The following DSCAML1 variants were observed in gnomAD, a reference collection of about 807,000 sequenced individuals.
DSCAML1 encodes DS cell adhesion molecule like 1, also known as cell adhesion molecule DSCAML1.
DSCAML1 carries 38 observed loss-of-function variants against 200.5 expected under a neutral mutation model. The observed-to-expected ratio is 0.19, with a 90% CI of 0.15 to 0.25. The LOEUF is 0.25. DSCAML1 is among the 10% of genes least tolerant of loss of function. DSCAML1 has a pLI of 1.00. For missense variants in DSCAML1, 2,223 were observed against 2,858.8 expected (o/e 0.78, Z 5.07); for synonymous variants, 1,215 against 1,165.0 (o/e 1.04, Z -0.87).
intron 3 of DSCAML1, among the ~76,000 whole-genome samples, chr11:117,565,473 C>CACTG (rs1166132920): frequency 1.3e-5 from 2 of 152,222 alleles, no homozygotes; most frequent in African/African-American, 4.8e-5. Context: ...TCTGACGTGG[C>CACTG]ATTGATACAC....
intron 3 of DSCAML1, among the ~76,000 whole-genome samples, chr11:117,762,570 A>G (rs1433631618): frequency 6.6e-6 from 1 of 152,092 alleles, no homozygotes; most frequent in Non-Finnish European, 1.5e-5. Flanking sequence ...ATCAAATTTT[A>G]TATATATATG....
chr11:117,681,064 A>G (rs748827705), intron 3 of DSCAML1, among the ~76,000 whole-genome samples: 3 of 152,122 alleles, frequency 2.0e-5, no homozygotes, highest in Non-Finnish European at 4.4e-5. Context: ...CTCATCTTGC[A>G]TTTTCCAGGC....
chr11:117,710,105 C>T lies in DSCAML1; in HGVS notation c.511+66686G>A, dbSNP rs540506710. 5.4e-4 allele frequency among the ~76,000 whole-genome samples: 83 copies of T among 152,310 alleles called. 1 individual carries two copies. In the South Asian group the frequency reaches 1.0e-2, roughly 18 times the overall value. On this transcript the variant is annotated intron_variant, in intron 3 of 32. Transcript: ENST00000651296. Reference sequence around the variant, plus strand: ...GGTCTGGGATTTTCATTTTACTTTGCTTCCTCTAACACCACTTTGTTTATG... The same window carrying T: ...GGTCTGGGATTTTCATTTTACTTTGTTTCCTCTAACACCACTTTGTTTATG...
rs371370437 is a variant in DSCAML1, at chr11:117,780,662, G to T, written c.195C>A (p.Asp65Glu). The T allele has an allele frequency of 6.3e-7, 1 of 1,592,058 alleles. No individual in the cohort carries two copies. The highest frequency in any genetic ancestry group is 1.1e-5 in the South Asian group (1 of 87,922). ...AALRWYLATGDDIYDVPHIRH... is the reference protein window; with the variant it reads ...AALRWYLATGEDIYDVPHIRH... The stretch of plus-strand genomic sequence containing the variant: ...GGATGTGCGGCACGTCGTAGATGTC[G>T]TCCCCTGTGGCCAGGTACCATCGAA... The change falls in exon 2 of 33, where the codon GAC becomes GAA. Residue 65 changes from aspartate (D) to glutamate (E), a missense_variant. Around this residue, in one of 7 missense-constraint regions of DSCAML1, gnomAD observed 579 missense variants for 721.5 expected, o/e 0.80. Transcript: ENST00000651296. The surrounding 1 kb of genome is among the most constrained non-coding windows in gnomAD (Gnocchi z 4.8).
chr11:117,661,085 G>T (rs777888335), intron 3 of DSCAML1, among the ~76,000 whole-genome samples: 5 of 152,138 alleles, frequency 3.3e-5, no homozygotes, highest in Admixed American at 6.5e-5. Context: ...AAATGCCTAG[G>T]CCACTGTTCC....
intron 3 of DSCAML1, among the ~76,000 whole-genome samples, chr11:117,704,198 C>G (rs2053719184): frequency 1.3e-5 from 2 of 151,714 alleles, no homozygotes; most frequent in Admixed American, 6.6e-5. Flanking sequence ...CTGAAGCCAA[C>G]CAGGCAAGAT....
intron 3 of DSCAML1, among the ~76,000 whole-genome samples, chr11:117,603,427 T>C (rs968947300): frequency 6.6e-6 from 1 of 152,330 alleles, no homozygotes; most frequent in Non-Finnish European, 1.5e-5. Context: ...CGTCATCTGC[T>C]CTGTGATTGT....
chr11:117,797,736 C>A (rs2055611596), upstream of DSCAML1, among the ~76,000 whole-genome samples: 2 of 152,178 alleles, frequency 1.3e-5, no homozygotes, highest in African/African-American at 2.4e-5. Flanking sequence ...TCCGGAGAAC[C>A]CCAGATGAGT....
chr11:117,668,627 G>A (rs1375875745), intron 3 of DSCAML1: 1 of 152,222 alleles, frequency 6.6e-6, no homozygotes, highest in African/African-American at 2.4e-5. Flanking sequence ...TCCAGGCAGA[G>A]AGAGCTTGCC....
chr11:117,577,535 T>TTCC lies in DSCAML1; in HGVS notation c.512-45014_512-45013insGGA, dbSNP rs1565801921. 2.9e-4 allele frequency among the ~76,000 whole-genome samples: 24 copies of TTCC among 83,640 alleles called. 7 individuals are homozygous for TTCC. Among genetic ancestry groups the TTCC allele is most frequent in the African/African-American group, 1.2e-3 (22 of 18,522 alleles). 54.9% of individuals were successfully genotyped at this position (83,640 alleles called of 152,430 possible). On this transcript the variant is annotated intron_variant, in intron 3 of 32. Transcript: ENST00000651296. ...CTTCCTTCCTTCCTTCCTTCCTTCC[T>TTCC]TTCCTTCCTTCCCTCCCTCCCTCCT...
At chr11:117,688,767 T>C (rs1193784829) in intron 3 of DSCAML1, among the ~76,000 whole-genome samples, 3 of 152,224 alleles carry the variant, frequency 2.0e-5, no homozygotes, top group African/African-American at 7.2e-5. Context: ...TACAATCTAA[T>C]CACCAGCATC....
chr11:117,492,162 C>T (rs1206699533), intron 11 of DSCAML1, among the ~76,000 whole-genome samples: 1 of 152,168 alleles, frequency 6.6e-6, no homozygotes. Flanking sequence ...AGAAGAACCC[C>T]AGGGCTGGAT....
chr11:117,569,435 T>C (rs2050810165), intron 3 of DSCAML1, among the ~76,000 whole-genome samples: 1 of 152,166 alleles, frequency 6.6e-6, no homozygotes, highest in African/African-American at 2.4e-5. Context: ...TTTTTGTATT[T>C]CATAGAGATG....
At chr11:117,727,166 G>T (rs951299354) in intron 3 of DSCAML1, among the ~76,000 whole-genome samples, 5 of 152,162 alleles carry the variant, frequency 3.3e-5, no homozygotes, top group African/African-American at 1.2e-4. Context: ...ATTTACTCAA[G>T]GTCACCAGCT....
chr11:117,516,395 C>G lies in DSCAML1; in HGVS notation c.1783+72G>C. 6.5e-7 allele frequency: 1 copy of G among 1,546,878 alleles called. No individual in the cohort carries two copies. The highest frequency in any genetic ancestry group is 8.7e-7 in the Non-Finnish European group (1 of 1,143,750). On this transcript the variant is annotated intron_variant, in intron 8 of 32. Coordinates refer to ENST00000651296, the MANE Select transcript of DSCAML1 (RefSeq NM_020693.4). The surrounding 1 kb of genome is among the most constrained non-coding windows in gnomAD (Gnocchi z 5.7). ...AGGATTGCCTATTGTTGTCTGAGTCCCAGCTGGGGAAAGGCCCACGCATCC... is the reference window on the plus strand; with the variant it reads ...AGGATTGCCTATTGTTGTCTGAGTCGCAGCTGGGGAAAGGCCCACGCATCC...
At chr11:117,723,734 A>G (rs2054076761) in intron 3 of DSCAML1, among the ~76,000 whole-genome samples, 1 of 152,166 alleles carries the variant, frequency 6.6e-6, no homozygotes, top group Non-Finnish European at 1.5e-5. Flanking sequence ...CTCCCCACTT[A>G]GAGCCCTCTC....
rs1219872311 is a variant in DSCAML1, at chr11:117,763,409, G to A, written c.511+13382C>T. Reference sequence around the variant, plus strand: ...GAACTCCTGGAGAGCTGAGAACAACGGGAGACGTGGACTCCAGGAGGCTGA... The same window carrying A: ...GAACTCCTGGAGAGCTGAGAACAACAGGAGACGTGGACTCCAGGAGGCTGA... On this transcript the variant is annotated intron_variant, in intron 3 of 32. Coordinates refer to ENST00000651296, the MANE Select transcript of DSCAML1 (RefSeq NM_020693.4). Among the ~76,000 whole-genome samples the A allele has an allele frequency of 1.1e-4, 16 of 151,546 alleles. No individual in the cohort carries two copies. In the East Asian group the frequency reaches 2.6e-3, roughly 24 times the overall value.
At chr11:117,474,871 C>T (rs1393331786) in intron 14 of DSCAML1, among the ~76,000 whole-genome samples, 1 of 151,980 alleles carries the variant, frequency 6.6e-6, no homozygotes, top group Non-Finnish European at 1.5e-5. Context: ...TCTCCTGCCT[C>T]AGCCTCCGGA....
chr11:117,488,534 G>A (rs1278264011), intron 11 of DSCAML1, among the ~76,000 whole-genome samples: 2 of 145,640 alleles, frequency 1.4e-5, no homozygotes, highest in Non-Finnish European at 3.0e-5. Context: ...GACATGCACA[G>A]ACACAGACAC....
Sources: gnomAD v4.1 joint callset for allele counts (sites outside exome capture counted in the v4.1 genomes callset) on GRCh38, gnomAD v4.1.1 for gene constraint, gnomAD v4.1.1 regional missense constraint, Gnocchi (gnomAD v3.1) non-coding constraint, MANE v1.5 for transcripts, NCBI Gene and HGNC (gene_info 2026-07-23, HGNC 2026-07-21) for gene names.